Variants in ZNF423 observed in about 807,000 individuals in gnomAD.
ZNF423 encodes the protein Ebf-associated zinc finger protein.
Under a neutral mutation model 95.8 loss-of-function variants are expected in ZNF423, and 12 were observed. That is an observed-to-expected ratio of 0.13 (90% confidence interval 0.08 to 0.20). The LOEUF is 0.20. Ranked by LOEUF, ZNF423 falls within the 10% of genes least tolerant of loss-of-function variation. The pLI is 1.00. For synonymous variants in ZNF423, 749 were observed against 711.9 expected (o/e 1.05, Z -0.83); for missense variants, 1,316 against 1,737.1 (o/e 0.76, Z 4.31).
chr16:49,588,870 A>G (rs1970921298), intron 5 of ZNF423, among the ~76,000 whole-genome samples: 1 of 152,238 alleles, frequency 6.6e-6, no homozygotes, highest in South Asian at 2.1e-4. Context: ...CTATCTCATG[A>G]TGAATGATTC....
chr16:49,806,134 G>A (rs762818247), intron 1 of ZNF423, among the ~76,000 whole-genome samples: 90 of 152,372 alleles, frequency 5.9e-4, no homozygotes, highest in Non-Finnish European at 1.2e-3. Context: ...AATGGGGTCT[G>A]GCTCCTGCAT....
chr16:49,768,383 G>C (rs1353370876), intron 2 of ZNF423, among the ~76,000 whole-genome samples: 1 of 152,224 alleles, frequency 6.6e-6, no homozygotes, highest in African/African-American at 2.4e-5. Context: ...CAAAGCATGA[G>C]AGCCGCTAGG....
At chr16:49,836,243 G>A (rs1411404878) in intron 1 of ZNF423, among the ~76,000 whole-genome samples, 2 of 152,168 alleles carry the variant, frequency 1.3e-5, no homozygotes, top group African/African-American at 2.4e-5. Flanking sequence ...CAGGAAGCAA[G>A]TACAGCCCTG....
intron 2 of ZNF423, among the ~76,000 whole-genome samples, chr16:49,737,839 T>C (rs2033324742): frequency 1.3e-5 from 2 of 152,160 alleles, no homozygotes; most frequent in African/African-American, 4.8e-5. Context: ...AGCACACGAA[T>C]CAGAAGGAAA....
intron 5 of ZNF423, among the ~76,000 whole-genome samples, chr16:49,528,604 G>C (rs1968710791): frequency 1.3e-5 from 2 of 152,184 alleles, no homozygotes; most frequent in South Asian, 4.1e-4. Flanking sequence ...AAAGCCTGAA[G>C]GGTTCCCGCA....
chr16:49,566,407 G>A (rs957789689), intron 5 of ZNF423, among the ~76,000 whole-genome samples: 2 of 152,180 alleles, frequency 1.3e-5, no homozygotes, highest in Non-Finnish European at 2.9e-5. Flanking sequence ...GGTGCAGCCT[G>A]CCTAGACTCT....
intron 5 of ZNF423, among the ~76,000 whole-genome samples, chr16:49,569,394 G>A (rs1970292472): frequency 6.6e-6 from 1 of 152,230 alleles, no homozygotes; most frequent in South Asian, 2.1e-4. Flanking sequence ...CAGATGCCCA[G>A]TTAGGGTCAG....
intron 3 of ZNF423, among the ~76,000 whole-genome samples, chr16:49,656,520 G>GA (rs796442964): frequency 3.4e-5 from 5 of 149,076 alleles, no homozygotes; most frequent in Admixed American, 6.7e-5. Flanking sequence ...AAAAAAAAAA[G>GA]AAAAAAAAAG....
chr16:49,524,895 G>A (rs1264188024), intron 6 of ZNF423, among the ~76,000 whole-genome samples: 6 of 152,228 alleles, frequency 3.9e-5, no homozygotes, highest in East Asian at 1.9e-4. Flanking sequence ...GAACTTGGCC[G>A]GCAGAGCTGC....
intron 3 of ZNF423, among the ~76,000 whole-genome samples, chr16:49,712,820 G>C (rs1798627023): frequency 6.6e-6 from 1 of 152,244 alleles, no homozygotes; most frequent in Admixed American, 6.5e-5. Flanking sequence ...AGGCTCCGCG[G>C]ATGCATCCTT....
intron 5 of ZNF423, among the ~76,000 whole-genome samples, chr16:49,602,364 C>A (rs1318618274): frequency 6.6e-6 from 1 of 152,150 alleles, no homozygotes; most frequent in Non-Finnish European, 1.5e-5. Flanking sequence ...TTTCTGCACT[C>A]GAAGAGTTTC....
intron 5 of ZNF423, among the ~76,000 whole-genome samples, chr16:49,591,345 G>T (rs79589545): frequency 0.029 from 4,347 of 152,154 alleles, 66 homozygotes; most frequent in Non-Finnish European, 0.042. Context: ...AATAGTATAG[G>T]CATTATAACC....
intron 1 of ZNF423, among the ~76,000 whole-genome samples, chr16:49,805,751 C>T (rs1232761756): frequency 6.6e-6 from 1 of 152,186 alleles, no homozygotes; most frequent in African/African-American, 2.4e-5. Context: ...ATGGACTCTT[C>T]GAGTCTTTAT....
intron 5 of ZNF423, among the ~76,000 whole-genome samples, chr16:49,588,885 A>T (rs1970922684): frequency 6.6e-6 from 1 of 152,262 alleles, no homozygotes; most frequent in African/African-American, 2.4e-5. Flanking sequence ...TGATTCATGC[A>T]TGCAACTTGA....
intron 3 of ZNF423, among the ~76,000 whole-genome samples, chr16:49,647,938 C>T (rs60021174): frequency 0.23 from 35,012 of 152,000 alleles, 4,927 homozygotes; most frequent in South Asian, 0.34. Flanking sequence ...AATTGGGCAG[C>T]GATCAGAGGG....
intron 1 of ZNF423, among the ~76,000 whole-genome samples, chr16:49,801,312 G>A (rs977940972): frequency 2.0e-5 from 3 of 152,206 alleles, no homozygotes; most frequent in African/African-American, 7.2e-5. Flanking sequence ...TTTTACAGAT[G>A]TTTCCTCAGC....
chr16:49,828,062 C>T (rs1348439821), intron 1 of ZNF423, among the ~76,000 whole-genome samples: 3 of 152,204 alleles, frequency 2.0e-5, no homozygotes, highest in Non-Finnish European at 4.4e-5. Flanking sequence ...AGACTTTTCA[C>T]GAAATTCACA....
At position 49,804,837 on chromosome 16, in the gene ZNF423, A is replaced by G. The variant is rs2034636574; in HGVS notation, c.41-15291T>C. Reference sequence around the variant, plus strand: ...AAACAAGATGGTGTGTATAAAGTGCATGGTTCAGGACCCAATACCCAGTGC... The same window carrying G: ...AAACAAGATGGTGTGTATAAAGTGCGTGGTTCAGGACCCAATACCCAGTGC... On this transcript the variant is annotated intron_variant, in intron 1 of 7. Transcript: ENST00000563137. 3.3e-5 allele frequency among the ~76,000 whole-genome samples: 5 copies of G among 150,654 alleles called. No individual in the cohort carries two copies. In the South Asian group the frequency reaches 1.0e-3, roughly 32 times the overall value.
intron 1 of ZNF423, among the ~76,000 whole-genome samples, chr16:49,814,980 C>T (rs888711737): frequency 2.6e-5 from 4 of 152,182 alleles, no homozygotes; most frequent in African/African-American, 7.2e-5. Context: ...CTCTTTCCCA[C>T]ACGTGTGTCC....
Sources: gnomAD v4.1 joint callset for allele counts (sites outside exome capture counted in the v4.1 genomes callset) on GRCh38, gnomAD v4.1.1 for gene constraint, MANE v1.5 for transcripts, NCBI Gene and HGNC (gene_info 2026-07-23, HGNC 2026-07-21) for gene names.